Variants in ZCWPW2 observed in about 807,000 individuals in gnomAD.
ZCWPW2 encodes the protein zinc finger CW-type PWWP domain protein 2.
A neutral mutation model predicts 46.6 loss-of-function variants in ZCWPW2; 45 were observed. That is an observed-to-expected ratio of 0.96 (90% CI 0.76 to 1.24). ZCWPW2 has a LOEUF of 1.24. ZCWPW2 is among the 50% of genes most tolerant of loss of function. ZCWPW2 has a pLI of 0.00. For missense variants in ZCWPW2, 429 were observed against 403.9 expected (o/e 1.06, Z -0.53); for synonymous variants, 152 against 137.1 (o/e 1.11, Z -0.76).
intron 2 of ZCWPW2, among the ~76,000 whole-genome samples, chr3:28,405,391 GAT>G (rs151110558): frequency 0.011 from 1,685 of 152,308 alleles, 27 homozygotes; most frequent in African/African-American, 0.03. Flanking sequence ...CTAAGAATGT[GAT>G]AGTGGATTTA....
chr3:28,388,478 G>T (rs142421355), intron 1 of ZCWPW2, among the ~76,000 whole-genome samples: 5 of 152,140 alleles, frequency 3.3e-5, no homozygotes, highest in African/African-American at 1.2e-4. Context: ...AGAAGAGGTT[G>T]CAAAGTCCAT....
In ZCWPW2 at chr3:28,414,024, A is replaced by C. The variant is rs573895815; in HGVS notation, c.332+624A>C. 3.9e-5 allele frequency among the ~76,000 whole-genome samples: 6 copies of C among 152,184 alleles called. No individual in the cohort carries two copies. In the South Asian group the frequency reaches 1.2e-3, roughly 32 times the overall value. On this transcript the variant is annotated intron_variant, in intron 3 of 9. Transcript: ENST00000383768. Reference sequence around the variant, plus strand: ...TGGTTTTCCCAAGTATGCAGTGTGCACTTTCAGTATATAACTTCAAGTCTT... The same window carrying C: ...TGGTTTTCCCAAGTATGCAGTGTGCCCTTTCAGTATATAACTTCAAGTCTT...
chr3:28,412,393 A>T (rs1301048542), intron 2 of ZCWPW2, among the ~76,000 whole-genome samples: 1 of 151,998 alleles, frequency 6.6e-6, no homozygotes, highest in Non-Finnish European at 1.5e-5. Flanking sequence ...AAAATCTTGC[A>T]TTTTTGTATG....
At chr3:28,465,284 C>T (rs977206427) in intron 4 of ZCWPW2, among the ~76,000 whole-genome samples, 1 of 152,144 alleles carries the variant, frequency 6.6e-6, no homozygotes, top group Non-Finnish European at 1.5e-5. Context: ...CTTTCACAAA[C>T]TTTATCCAGT....
intron 9 of ZCWPW2, 27 bp from the exon 10 acceptor site, chr3:28,524,500 C>G: frequency 6.3e-7 from 1 of 1,593,664 alleles, no homozygotes; most frequent in South Asian, 1.2e-5. Flanking sequence ...TGACATAGTT[C>G]CGATTAATTA....
chr3:28,381,196 C>CA (rs1019224558), intron 1 of ZCWPW2, among the ~76,000 whole-genome samples: 5 of 150,170 alleles, frequency 3.3e-5, no homozygotes, highest in Admixed American at 2.0e-4. Flanking sequence ...TTGTCCTCCT[C>CA]AAAGTTCCAA....
intron 2 of ZCWPW2, among the ~76,000 whole-genome samples, chr3:28,398,821 C>G (rs1695807565): frequency 6.6e-6 from 1 of 152,168 alleles, no homozygotes; most frequent in African/African-American, 2.4e-5. Flanking sequence ...CCATATCTGC[C>G]TGGCCTCACA....
intron 6 of ZCWPW2, among the ~76,000 whole-genome samples, chr3:28,508,690 G>C (rs571498017): frequency 1.3e-5 from 2 of 151,898 alleles, no homozygotes; most frequent in Non-Finnish European, 1.5e-5. Flanking sequence ...CATCACACCA[G>C]CTAATTTTTG....
At chr3:28,423,800 C>A (rs1446567689) in intron 3 of ZCWPW2, among the ~76,000 whole-genome samples, 1 of 152,120 alleles carries the variant, frequency 6.6e-6, no homozygotes, top group Non-Finnish European at 1.5e-5. Context: ...GCTGCACTTT[C>A]CAGTAAATGC....
chr3:28,517,930 G>A (rs921086394), intron 8 of ZCWPW2, among the ~76,000 whole-genome samples: 1 of 152,042 alleles, frequency 6.6e-6, no homozygotes. Flanking sequence ...GATGTCAGGA[G>A]TTCATGACGA....
At chr3:28,433,755 TAAAAAAA>T (rs573649203) in intron 3 of ZCWPW2, among the ~76,000 whole-genome samples, 3,969 of 133,524 alleles carry the variant, frequency 0.03, 154 homozygotes, top group African/African-American at 0.095. Context: ...GACTCCCTCT[TAAAAAAA>T]AAAAAAACAA....
intron 1 of ZCWPW2, among the ~76,000 whole-genome samples, chr3:28,376,445 T>C (rs1339961937): frequency 2.6e-5 from 4 of 152,018 alleles, no homozygotes; most frequent in Non-Finnish European, 1.5e-5. Context: ...GTTTGGAGTT[T>C]CATTCTAGAG....
chr3:28,388,519 T>C (rs1215449245), intron 1 of ZCWPW2, among the ~76,000 whole-genome samples: 3 of 152,216 alleles, frequency 2.0e-5, no homozygotes, highest in South Asian at 4.1e-4. Flanking sequence ...CTAGATATCC[T>C]GTAACACAAA....
chr3:28,432,825 GA>G (rs1021143822), intron 3 of ZCWPW2, among the ~76,000 whole-genome samples: 2 of 151,928 alleles, frequency 1.3e-5, no homozygotes, highest in Non-Finnish European at 1.5e-5. Context: ...TTATCTGAAT[GA>G]AAAAAATAGA....
chr3:28,417,413 C>A (rs1335410277), intron 3 of ZCWPW2, among the ~76,000 whole-genome samples: 1 of 152,074 alleles, frequency 6.6e-6, no homozygotes, highest in African/African-American at 2.4e-5. Context: ...CAGATGGATT[C>A]ACAGCAGAAT....
At chr3:28,452,376 C>T (rs920288165) in intron 4 of ZCWPW2, among the ~76,000 whole-genome samples, 1 of 152,140 alleles carries the variant, frequency 6.6e-6, no homozygotes, top group Non-Finnish European at 1.5e-5. Context: ...CCTCTGCTGC[C>T]CCAGTTCAAG....
intron 1 of ZCWPW2, among the ~76,000 whole-genome samples, chr3:28,389,282 C>G (rs1695395956): frequency 6.6e-6 from 1 of 152,154 alleles, no homozygotes; most frequent in South Asian, 2.1e-4. Flanking sequence ...GCTTTCAGAT[C>G]ACTGATGGAG....
chr3:28,380,983 ATATATATATATATTTGG>A (rs1420864754), intron 1 of ZCWPW2, among the ~76,000 whole-genome samples: 2 of 45,268 alleles, frequency 4.4e-5, no homozygotes, highest in African/African-American at 1.3e-4. Flanking sequence ...TGGTATATAT[ATATATATATATATTTGG>A]TATATATATA....
chr3:28,356,444 G>A (rs1193938881), intron 1 of ZCWPW2, among the ~76,000 whole-genome samples: 4 of 152,186 alleles, frequency 2.6e-5, no homozygotes, highest in African/African-American at 9.7e-5. Flanking sequence ...AAGACAGTGT[G>A]GCAATTCCTC....
Sources: gnomAD v4.1 joint callset for allele counts (sites outside exome capture counted in the v4.1 genomes callset) on GRCh38, gnomAD v4.1.1 for gene constraint, MANE v1.5 for transcripts, NCBI Gene and HGNC (gene_info 2026-07-23, HGNC 2026-07-21) for gene names.